The following HACD3 variants were observed in gnomAD, a reference collection of about 807,000 sequenced individuals.
The protein encoded by HACD3 is very-long-chain (3R)-3-hydroxyacyl-CoA dehydratase 3.
HACD3 carries 30 observed loss-of-function variants against 55.2 expected under a neutral mutation model. The ratio of observed to expected loss-of-function variants is 0.54; its 90% CI spans 0.41 to 0.74. The LOEUF is 0.74. Ranked by LOEUF, HACD3 falls within the 30% of genes least tolerant of loss-of-function variation. The pLI is 0.00. For synonymous variants in HACD3, 141 were observed against 151.7 expected (o/e 0.93, Z 0.52); for missense variants, 363 against 440.1 (o/e 0.82, Z 1.57).
At chr15:65,543,675 A>G (rs1848002053) in intron 1 of HACD3, among the ~76,000 whole-genome samples, 1 of 152,138 alleles carries the variant, frequency 6.6e-6, no homozygotes, top group Admixed American at 6.6e-5. Flanking sequence ...ACCATTTCCA[A>G]CCAAAGAAAC....
chr15:65,544,600 T>C (rs922967859), intron 1 of HACD3, among the ~76,000 whole-genome samples: 15 of 152,164 alleles, frequency 9.9e-5, no homozygotes, highest in Non-Finnish European at 2.1e-4. Flanking sequence ...TATTTATTTC[T>C]TAGAGCTTCA....
At chr15:65,570,236 CT>C (rs1324350431) in intron 8 of HACD3, 33 bp downstream of exon 8, 1 of 1,440,174 alleles carries the variant, frequency 6.9e-7, no homozygotes, top group East Asian at 2.3e-5. Context: ...TGTTTGAATG[CT>C]GCTCCCTGTT....
chr15:65,544,395 G>A (rs1185532369), intron 1 of HACD3, among the ~76,000 whole-genome samples: 9 of 152,146 alleles, frequency 5.9e-5, no homozygotes, highest in Non-Finnish European at 1.3e-4. Flanking sequence ...ATACCTGCAA[G>A]CGAATGCAAG....
intron 1 of HACD3, among the ~76,000 whole-genome samples, chr15:65,548,695 C>T (rs1048091297): frequency 1.3e-5 from 2 of 151,968 alleles, no homozygotes; most frequent in East Asian, 1.9e-4. Context: ...AGCTTAGCCT[C>T]CCAAGTAGCT....
chr15:65,553,576 C>G (rs2072156843), intron 2 of HACD3, among the ~76,000 whole-genome samples: 1 of 152,188 alleles, frequency 6.6e-6, no homozygotes, highest in Non-Finnish European at 1.5e-5. Flanking sequence ...GAAAGTACAG[C>G]CTGGCTTTTG....
At chr15:65,564,617 T>C (rs2072274353) in intron 7 of HACD3, 1 of 338,104 alleles carries the variant, frequency 3.0e-6, no homozygotes, top group Non-Finnish European at 5.4e-6. Context: ...TCAGATCTCG[T>C]GAGACTTATT....
intron 7 of HACD3, among the ~76,000 whole-genome samples, chr15:65,569,803 A>G (rs1338804432): frequency 6.6e-6 from 1 of 152,264 alleles, no homozygotes; most frequent in Non-Finnish European, 1.5e-5. Flanking sequence ...CTTGGGTTAT[A>G]TAAACTCAAA....
At chr15:65,568,147 C>T (rs1009775618) in intron 7 of HACD3, among the ~76,000 whole-genome samples, 3 of 151,818 alleles carry the variant, frequency 2.0e-5, no homozygotes, top group Non-Finnish European at 2.9e-5. Context: ...GTCTCGAACT[C>T]CTGACCCCAG....
intron 2 of HACD3, chr15:65,553,280 G>T: frequency 6.6e-6 from 1 of 150,750 alleles, no homozygotes; most frequent in Admixed American, 6.6e-5. Context: ...AGACTTTGTG[G>T]CTCCCTGATA....
intron 1 of HACD3, among the ~76,000 whole-genome samples, chr15:65,533,004 T>C (rs1286740000): frequency 3.9e-5 from 6 of 152,222 alleles, no homozygotes; most frequent in Non-Finnish European, 8.8e-5. Flanking sequence ...ATTTGTTACC[T>C]TTCTTTCATT....
At chr15:65,551,976 C>T (rs897745032) in intron 2 of HACD3, 15 of 389,188 alleles carry the variant, frequency 3.9e-5, no homozygotes, top group Non-Finnish European at 6.5e-5. Flanking sequence ...GGTTAGAAAT[C>T]AGGAGACGTG....
intron 10 of HACD3, among the ~76,000 whole-genome samples, chr15:65,575,195 T>G (rs955802862): frequency 6.6e-6 from 1 of 151,544 alleles, no homozygotes; most frequent in Non-Finnish European, 1.5e-5. Context: ...TTAGTTTTTT[T>G]TTTTTTTTTT....
chr15:65,561,465 CA>C (rs1295006077), intron 5 of HACD3, among the ~76,000 whole-genome samples: 7 of 132,822 alleles, frequency 5.3e-5, no homozygotes, highest in Admixed American at 7.8e-5. Flanking sequence ...GACTCTGTCT[CA>C]AAAAAAAAAG....
At position 65,555,057 on chromosome 15, in the gene HACD3, A is replaced by G. The variant is rs1029142528; in HGVS notation, c.204+97A>G. 6 of 973,952 alleles carry G rather than the reference A, an allele frequency of 6.2e-6. No homozygotes were observed. The Admixed American group carries it at 1.2e-4, about 19-fold the overall frequency. 60.3% of individuals were successfully genotyped at this position (973,952 alleles called of 1,614,324 possible). On this transcript the variant is annotated intron_variant, in intron 3 of 10. Coordinates refer to ENST00000261875, the MANE Select transcript of HACD3 (RefSeq NM_016395.4). ...GCAGGGTTTGTGGAGAGAAGAAGAT[A>G]AAAACCAAAGGGGAATAATAGAGTT... is the stretch of plus-strand genomic sequence containing the variant.
At chr15:65,536,339 T>G (rs1379460783) in intron 1 of HACD3, among the ~76,000 whole-genome samples, 1 of 152,066 alleles carries the variant, frequency 6.6e-6, no homozygotes, top group African/African-American at 2.4e-5. Context: ...TGCACCTATA[T>G]AAGATGGTGA....
chr15:65,538,478 G>A (rs1326310938), intron 1 of HACD3, among the ~76,000 whole-genome samples: 1 of 152,196 alleles, frequency 6.6e-6, no homozygotes, highest in East Asian at 1.9e-4. Flanking sequence ...GCAATCTCAT[G>A]ATAAAACTTG....
chr15:65,570,170 T>C lies in HACD3; in HGVS notation c.740T>C (p.Val247Ala). 3 of 1,612,652 alleles carry C rather than the reference T, an allele frequency of 1.9e-6. No homozygotes were observed. The highest frequency in any genetic ancestry group is 2.5e-6 in the Non-Finnish European group (3 of 1,178,914). ...CAGAACAAAGCTGTGGTTTTCTTTG[T>C]GTTTTATTTGTGGAGTGCAATTGAA... is the stretch of plus-strand genomic sequence containing the variant. ...EMQNKAVVFF[V>A]FYLWSAIEIF... is the part of the protein sequence containing the mutation. Residue 247 changes from valine to alanine, a missense_variant, in exon 8 of 11, where the codon GTG becomes GCG. By Grantham distance (64) the Val-to-Ala change is moderately conservative. Coordinates refer to ENST00000261875, the MANE Select transcript of HACD3 (RefSeq NM_016395.4).
At chr15:65,572,511 G>C in intron 10 of HACD3, 145 bp downstream of exon 10, 1 of 950,870 alleles carries the variant, frequency 1.1e-6, no homozygotes, top group Non-Finnish European at 1.5e-6. Flanking sequence ...GACCCACTAG[G>C]GGAATATGCT....
In HACD3 at chr15:65,576,436, T is replaced by C; in HGVS notation, c.*57T>C. 6.6e-7 allele frequency: 1 copy of C among 1,509,400 alleles called. No individual in the cohort carries two copies. The allele number at this position is 1,509,400 out of a possible 1,614,324, so 93.5% of individuals were successfully genotyped here. A position where few individuals can be genotyped will look rare whatever the true frequency, so the allele number is the denominator to read the frequency against. On this transcript the variant is annotated 3_prime_UTR_variant, in exon 11 of 11. Transcript: ENST00000261875. The stretch of plus-strand genomic sequence containing the variant: ...TGAGCCTAATCTGATTCTTACAGTT[T>C]TACCTTCTTGAACCAATGTAAAAGT...
Sources: gnomAD v4.1 joint callset for allele counts (sites outside exome capture counted in the v4.1 genomes callset) on GRCh38, gnomAD v4.1.1 for gene constraint, MANE v1.5 for transcripts, NCBI Gene and HGNC (gene_info 2026-07-23, HGNC 2026-07-21) for gene names.